The following KCNB2 variants were observed in gnomAD, a reference collection of about 807,000 sequenced individuals.
KCNB2 encodes the protein potassium voltage-gated channel subfamily B member 2.
In KCNB2, 15 loss-of-function variants were observed where a neutral mutation model predicts 61.5. That is an observed-to-expected ratio of 0.24 (90% CI 0.16 to 0.38). KCNB2 has a LOEUF of 0.38. Among genes scored for constraint, KCNB2 ranks in the 10% least tolerant of loss-of-function variants. The pLI is 1.00. For synonymous variants in KCNB2, 457 were observed against 446.0 expected, an observed-to-expected ratio of 1.02 and a Z score of -0.31; for missense variants, 828 against 1,125.2, an observed-to-expected ratio of 0.74 and a Z score of 3.78.
At chr8:72,549,872 G>C (rs1408330320) in intron 1 of KCNB2, among the ~76,000 whole-genome samples, 2 of 152,100 alleles carry the variant, frequency 1.3e-5, no homozygotes, top group Non-Finnish European at 2.9e-5. Context: ...GATAAAGGAT[G>C]GTAATTATAG....
chr8:72,631,205 A>G (rs1805875315), intron 2 of KCNB2, among the ~76,000 whole-genome samples: 1 of 152,220 alleles, frequency 6.6e-6, no homozygotes, highest in African/African-American at 2.4e-5. Flanking sequence ...AACCACAGCA[A>G]GTGAAACTGC....
chr8:72,907,235 T>C (rs1162028145), intron 2 of KCNB2, among the ~76,000 whole-genome samples: 2 of 152,082 alleles, frequency 1.3e-5, no homozygotes, highest in Admixed American at 6.6e-5. Context: ...CACACGCCTG[T>C]AGTTCCAGCT....
At chr8:72,934,146 C>T (rs901372485) in intron 2 of KCNB2, among the ~76,000 whole-genome samples, 6 of 151,486 alleles carry the variant, frequency 4.0e-5, no homozygotes, top group Non-Finnish European at 7.4e-5. Context: ...TTTGGGAGGC[C>T]GAAGCAGGTG....
chr8:72,583,948 C>CAAAAAAAAAAAAAAAAA (rs71566823), intron 2 of KCNB2, among the ~76,000 whole-genome samples: 7 of 100,842 alleles, frequency 6.9e-5, no homozygotes, highest in African/African-American at 1.2e-4. Context: ...AATAGAATAT[C>CAAAAAAAAAAAAAAAAA]AAAAAAAAAA....
At chr8:72,798,426 A>G (rs1462299699) in intron 2 of KCNB2, among the ~76,000 whole-genome samples, 2 of 152,046 alleles carry the variant, frequency 1.3e-5, no homozygotes, top group Admixed American at 6.6e-5. Context: ...CTACCATAGC[A>G]CTCAGCATAA....
intron 2 of KCNB2, among the ~76,000 whole-genome samples, chr8:72,627,403 C>G (rs1258462544): frequency 1.3e-5 from 2 of 152,160 alleles, no homozygotes; most frequent in Non-Finnish European, 2.9e-5. Flanking sequence ...CATAGACAAC[C>G]TTGTGTATAA....
At chr8:72,555,239 A>G (rs1806405294) in intron 1 of KCNB2, among the ~76,000 whole-genome samples, 1 of 151,858 alleles carries the variant, frequency 6.6e-6, no homozygotes, top group Non-Finnish European at 1.5e-5. Flanking sequence ...AATTCTCACC[A>G]TGCGAATTAA....
chr8:72,871,507 A>C (rs1192778207), intron 2 of KCNB2, among the ~76,000 whole-genome samples: 1 of 152,260 alleles, frequency 6.6e-6, no homozygotes, highest in Non-Finnish European at 1.5e-5. Context: ...CTTAGATTGC[A>C]GGCTTCTGCA....
chr8:72,867,568 G>T (rs538114837), intron 2 of KCNB2, among the ~76,000 whole-genome samples: 86 of 152,340 alleles, frequency 5.6e-4, no homozygotes, highest in African/African-American at 2.0e-3. Flanking sequence ...TTAGTCAAAT[G>T]AGTGTGTGAT....
At chr8:72,935,641 T>TC (rs1212281540) in intron 2 of KCNB2, among the ~76,000 whole-genome samples, 1 of 151,828 alleles carries the variant, frequency 6.6e-6, no homozygotes, top group Non-Finnish European at 1.5e-5. Context: ...AGATAATTAC[T>TC]CCCCCCAAAA....
At chr8:72,699,179 A>C (rs1807070358) in intron 2 of KCNB2, among the ~76,000 whole-genome samples, 1 of 152,076 alleles carries the variant, frequency 6.6e-6, no homozygotes, top group South Asian at 2.1e-4. Context: ...CATCATTAAA[A>C]AGTGAGCAAA....
intron 2 of KCNB2, among the ~76,000 whole-genome samples, chr8:72,611,259 A>AAGAT (rs1330415390): frequency 6.6e-6 from 1 of 152,194 alleles, no homozygotes; most frequent in Non-Finnish European, 1.5e-5. Context: ...TCAGTATTAC[A>AAGAT]AGATAGATAC....
intron 2 of KCNB2, among the ~76,000 whole-genome samples, chr8:72,681,389 A>T (rs929892072): frequency 6.6e-6 from 1 of 152,104 alleles, no homozygotes; most frequent in African/African-American, 2.4e-5. Context: ...ACTAAGACAA[A>T]CGAACACATT....
intron 2 of KCNB2, among the ~76,000 whole-genome samples, chr8:72,915,039 G>A (rs527863909): frequency 2.2e-4 from 34 of 151,974 alleles, no homozygotes; most frequent in African/African-American, 8.2e-4. Flanking sequence ...TGAGTAGCTG[G>A]GATTACAGGC....
intron 2 of KCNB2, among the ~76,000 whole-genome samples, chr8:72,581,926 G>A (rs563672429): frequency 6.6e-6 from 1 of 152,278 alleles, no homozygotes; most frequent in African/African-American, 2.4e-5. Flanking sequence ...TTGTGTGGAG[G>A]AGAGCTTGAT....
intron 2 of KCNB2, among the ~76,000 whole-genome samples, chr8:72,888,933 T>A (rs1563414403): frequency 6.6e-6 from 1 of 152,340 alleles, no homozygotes; most frequent in Middle Eastern, 3.4e-3. Context: ...ACTGCTCTTA[T>A]GAAATTTGGG....
At chr8:72,746,153 A>AT (rs995174017) in intron 2 of KCNB2, among the ~76,000 whole-genome samples, 11 of 152,202 alleles carry the variant, frequency 7.2e-5, no homozygotes, top group African/African-American at 2.6e-4. Context: ...AGTACTACAG[A>AT]TTTTTGTTAT....
chr8:72,777,216 A>G (rs1337048780), intron 2 of KCNB2, among the ~76,000 whole-genome samples: 1 of 152,242 alleles, frequency 6.6e-6, no homozygotes, highest in Non-Finnish European at 1.5e-5. Flanking sequence ...CATAAAGATC[A>G]ACAGACTGGT....
chr8:72,673,470 T>C (rs907977076), intron 2 of KCNB2, among the ~76,000 whole-genome samples: 1 of 152,220 alleles, frequency 6.6e-6, no homozygotes, highest in East Asian at 1.9e-4. Context: ...GTAAGTTTCC[T>C]GAGGCCTCCC....
Sources: gnomAD v4.1 joint callset for allele counts (sites outside exome capture counted in the v4.1 genomes callset) on GRCh38, gnomAD v4.1.1 for gene constraint, MANE v1.5 for transcripts, NCBI Gene and HGNC (gene_info 2026-07-23, HGNC 2026-07-21) for gene names.